AGBL1: variants seen among roughly 807,000 people sequenced by gnomAD.
AGBL1 encodes cytosolic carboxypeptidase 4.
A neutral mutation model predicts 118.9 loss-of-function variants in AGBL1; 130 were observed. That is an observed-to-expected ratio of 1.09 (90% CI 0.95 to 1.26). The LOEUF (loss-of-function observed/expected upper bound fraction) is 1.26, where lower values mean the gene tolerates loss of function less well. Ranked by LOEUF, AGBL1 falls within the 50% of genes most tolerant of loss-of-function variation. AGBL1 has a pLI of 0.00. For synonymous variants in AGBL1, 555 were observed against 478.9 expected, an observed-to-expected ratio of 1.16 and a Z score of -2.08; for missense variants, 1,584 against 1,298.1, an observed-to-expected ratio of 1.22 and a Z score of -3.38.
rs557858135 is a variant in AGBL1, at chr15:86,387,530, T to A, written c.2375-9836T>A. The stretch of plus-strand genomic sequence containing the variant: ...GCAGTGAAGAAGAAAGGGGGATATA[T>A]GTTTGAGAGAGAAGGAAAGAGAGAG... On this transcript the variant is annotated intron_variant, in intron 17 of 22. Transcript: ENST00000614907. Among the ~76,000 whole-genome samples the A allele has an allele frequency of 2.6e-5, 4 of 152,176 alleles. No individual in the cohort carries two copies. In the East Asian group the frequency reaches 7.7e-4, roughly 29 times the overall value.
At chr15:86,220,559 A>G (rs1438299665) in intron 5 of AGBL1, among the ~76,000 whole-genome samples, 1 of 152,178 alleles carries the variant, frequency 6.6e-6, no homozygotes, top group Non-Finnish European at 1.5e-5. Flanking sequence ...ACGAGAGGAT[A>G]TTTACAAATT....
chr15:86,831,721 G>A (rs1434070256), intron 22 of AGBL1, among the ~76,000 whole-genome samples: 1 of 152,188 alleles, frequency 6.6e-6, no homozygotes, highest in African/African-American at 2.4e-5. Flanking sequence ...AGATTTTCCA[G>A]GCACATGGTA....
In AGBL1 at chr15:86,763,240, C is replaced by T. The variant is rs911293317; in HGVS notation, c.3158+88804C>T. Among the ~76,000 whole-genome samples, 9 of 152,032 alleles carry T rather than the reference C, an allele frequency of 5.9e-5. No homozygotes were observed. The East Asian group carries it at 1.6e-3, about 26-fold the overall frequency. On this transcript the variant is annotated intron_variant, in intron 22 of 22. Coordinates refer to ENST00000614907, the MANE Select transcript of AGBL1 (RefSeq NM_001386094.1). ...TTTATGACTTATGCACATGGACACT[C>T]AGAAGATGGCTCATGTAGGCAATCT...
intron 17 of AGBL1, among the ~76,000 whole-genome samples, chr15:86,351,925 T>C (rs2080633432): frequency 1.3e-5 from 2 of 152,222 alleles, no homozygotes; most frequent in African/African-American, 4.8e-5. Flanking sequence ...AGCCTTTAAC[T>C]TACATTAAAA....
chr15:86,930,434 C>T (rs1314311317), intron 23 of AGBL1, among the ~76,000 whole-genome samples: 2 of 152,074 alleles, frequency 1.3e-5, no homozygotes, highest in Non-Finnish European at 2.9e-5. Context: ...GAGGTCCATT[C>T]TGTTGGGGGC....
intron 19 of AGBL1, among the ~76,000 whole-genome samples, chr15:86,540,813 C>A (rs1249444913): frequency 1.3e-5 from 2 of 152,118 alleles, no homozygotes; most frequent in African/African-American, 2.4e-5. Flanking sequence ...TCAGGGATAT[C>A]GTTTGAGAAA....
chr15:86,269,434 C>A (rs532189944), intron 13 of AGBL1, among the ~76,000 whole-genome samples: 1 of 152,192 alleles, frequency 6.6e-6, no homozygotes, highest in South Asian at 2.1e-4. Flanking sequence ...ATATAGCACA[C>A]TTGCATTTTT....
At chr15:86,816,720 C>T (rs974138737) in intron 22 of AGBL1, among the ~76,000 whole-genome samples, 6 of 152,116 alleles carry the variant, frequency 3.9e-5, no homozygotes, top group Non-Finnish European at 8.8e-5. Context: ...GAAGACTTGG[C>T]ACAACTGGGA....
At chr15:86,110,196 A>G (rs1021013911) in intron 1 of AGBL1, among the ~76,000 whole-genome samples, 1 of 152,148 alleles carries the variant, frequency 6.6e-6, no homozygotes, top group African/African-American at 2.4e-5. Flanking sequence ...ATTACAGTTG[A>G]CCCTTAAACA....
intron 22 of AGBL1, among the ~76,000 whole-genome samples, chr15:86,876,474 C>T (rs901647110): frequency 1.3e-5 from 2 of 152,118 alleles, no homozygotes; most frequent in African/African-American, 2.4e-5. Flanking sequence ...AAACTGACTC[C>T]TCAGGAACTC....
rs566520840 is a variant in AGBL1 at position 86,575,863 on chromosome 15, C to T, written c.2994+21326C>T. Among the ~76,000 whole-genome samples, 10 of 152,302 alleles carry T rather than the reference C, an allele frequency of 6.6e-5. No individual in the cohort carries two copies. In the South Asian group the frequency reaches 1.9e-3, roughly 28 times the overall value. Reference sequence around the variant, plus strand: ...CCTCCCACCTTGGCCTCTCAAATTGCTTGGATTACGTCTTGAGCCACCATG... The same window carrying T: ...CCTCCCACCTTGGCCTCTCAAATTGTTTGGATTACGTCTTGAGCCACCATG... On this transcript the variant is annotated intron_variant, in intron 21 of 22. Coordinates refer to ENST00000614907, the MANE Select transcript of AGBL1 (RefSeq NM_001386094.1).
intron 17 of AGBL1, among the ~76,000 whole-genome samples, chr15:86,380,253 C>T (rs1428800514): frequency 2.0e-5 from 3 of 147,458 alleles, no homozygotes; most frequent in African/African-American, 7.8e-5. Context: ...GCCTCCCTCC[C>T]TCCCTTTCTT....
At chr15:86,744,276 A>G (rs1033807018) in intron 22 of AGBL1, among the ~76,000 whole-genome samples, 4 of 152,164 alleles carry the variant, frequency 2.6e-5, no homozygotes, top group African/African-American at 9.7e-5. Context: ...CCCGCTTTGC[A>G]TATTTATATA....
intron 22 of AGBL1, among the ~76,000 whole-genome samples, chr15:86,814,800 T>A (rs1346157340): frequency 6.6e-6 from 1 of 152,156 alleles, no homozygotes; most frequent in Non-Finnish European, 1.5e-5. Context: ...ACAAGTTAAT[T>A]CTTTGGGACT....
At chr15:86,490,644 G>T (rs2142141062) in intron 18 of AGBL1, among the ~76,000 whole-genome samples, 1 of 152,194 alleles carries the variant, frequency 6.6e-6, no homozygotes. Flanking sequence ...CTTGGCAGCT[G>T]CCATTTAGCC....
intron 22 of AGBL1, among the ~76,000 whole-genome samples, chr15:86,843,459 G>A (rs534636664): frequency 6.6e-6 from 1 of 152,212 alleles, no homozygotes; most frequent in East Asian, 1.9e-4. Flanking sequence ...ATAACCTTTG[G>A]GGTAAGGCTA....
chr15:86,989,590 T>C (rs1400466177), intron 24 of AGBL1, among the ~76,000 whole-genome samples: 2 of 152,226 alleles, frequency 1.3e-5, no homozygotes, highest in African/African-American at 4.8e-5. Flanking sequence ...CACTTAGTGC[T>C]GGGTGTTCTG....
chr15:86,523,072 A>G (rs1190274526), intron 19 of AGBL1, 133 bp downstream of exon 19: 3 of 1,099,046 alleles, frequency 2.7e-6, no homozygotes, highest in African/African-American at 3.1e-5. Context: ...TGGAGGATGC[A>G]TGGTGCATTG....
At chr15:86,216,869 C>G (rs781642554) in intron 5 of AGBL1, among the ~76,000 whole-genome samples, 6 of 152,202 alleles carry the variant, frequency 3.9e-5, no homozygotes, top group Non-Finnish European at 7.3e-5. Context: ...ATCCTCAACT[C>G]TAGCAGCCCT....
Sources: allele counts gnomAD v4.1 joint callset (sites outside exome capture counted in the v4.1 genomes callset), GRCh38; gene constraint gnomAD v4.1.1; transcripts MANE v1.5; gene names NCBI Gene and HGNC (gene_info 2026-07-23, HGNC 2026-07-21).